The following SLCO2B1 variants were observed in gnomAD, a reference collection of about 807,000 sequenced individuals.
SLCO2B1 encodes the protein solute carrier organic anion transporter family member 2B1.
Under a neutral mutation model 67.3 loss-of-function variants are expected in SLCO2B1, and 41 were observed. The observed-to-expected ratio is 0.61, with a 90% CI of 0.47 to 0.79. The LOEUF (loss-of-function observed/expected upper bound fraction) is 0.79, where lower values mean the gene tolerates loss of function less well. SLCO2B1 is among the 30% of genes least tolerant of loss of function. SLCO2B1 has a pLI of 0.00. For missense variants in SLCO2B1, 837 were observed against 920.1 expected (o/e 0.91, Z 1.17); for synonymous variants, 379 against 381.4 (o/e 0.99, Z 0.07).
At chr11:75,200,574 G>T (rs1945167794) in intron 11 of SLCO2B1, 187 bp downstream of exon 11, 1 of 536,896 alleles carries the variant, frequency 1.9e-6, no homozygotes, top group Admixed American at 3.6e-5. Flanking sequence ...CCATCTTGCA[G>T]ATAAGAAAAT....
chr11:75,159,841 G>C, intron 1 of SLCO2B1: 1 of 985,604 alleles, frequency 1.0e-6, no homozygotes, highest in Non-Finnish European at 1.2e-6. Context: ...TGGCAGAAAA[G>C]GCTGGGATTG....
intron 7 of SLCO2B1, among the ~76,000 whole-genome samples, chr11:75,174,084 G>A (rs1181421295): frequency 1.3e-5 from 2 of 152,200 alleles, no homozygotes; most frequent in Non-Finnish European, 2.9e-5. Context: ...TTACAGGAGT[G>A]AGCCACCGTG....
intron 11 of SLCO2B1, 129 bp downstream of exon 11, chr11:75,200,516 C>A (rs1945166816): frequency 3.4e-6 from 3 of 887,830 alleles, no homozygotes; most frequent in Non-Finnish European, 4.9e-6. Flanking sequence ...ACAATATGGC[C>A]TTAACTGTGT....
Position 75,161,702 on chromosome 11 carries a change from A to G in SLCO2B1, c.17-953A>G, listed in dbSNP as rs147137412. Reference sequence around the variant, plus strand: ...AATGGAGGCTTCCGGCAGGAAGTGGAGCCGCAGAAGGGGAGGAAGACCAAG... The same window carrying G: ...AATGGAGGCTTCCGGCAGGAAGTGGGGCCGCAGAAGGGGAGGAAGACCAAG... On this transcript the variant is annotated intron_variant, in intron 1 of 13. Transcript: ENST00000289575. Among the ~76,000 whole-genome samples the G allele has an allele frequency of 6.7e-3, 1,023 of 152,294 alleles. 11 individuals are homozygous for G. Among genetic ancestry groups the G allele is most frequent in the African/African-American group, 0.024 (988 of 41,544 alleles).
intron 7 of SLCO2B1, among the ~76,000 whole-genome samples, chr11:75,175,510 C>G (rs1238469494): frequency 6.6e-6 from 1 of 152,138 alleles, no homozygotes; most frequent in Non-Finnish European, 1.5e-5. Context: ...CAGGGGTCCC[C>G]TAAATACCCT....
At chr11:75,165,985 T>C (rs748706300) in intron 4 of SLCO2B1, 36 bp downstream of exon 4, 2 of 1,600,328 alleles carry the variant, frequency 1.2e-6, no homozygotes, top group Non-Finnish European at 1.7e-6. Flanking sequence ...AGTGGGACGT[T>C]AGCCTCTGCA....
At chr11:75,160,743 C>G (rs1680184336) in intron 1 of SLCO2B1, among the ~76,000 whole-genome samples, 1 of 152,220 alleles carries the variant, frequency 6.6e-6, no homozygotes, top group Admixed American at 6.5e-5. Flanking sequence ...ACACGCACTT[C>G]CATTTCCTCA....
chr11:75,154,995 C>A (rs1334203475), intron 1 of SLCO2B1, among the ~76,000 whole-genome samples: 1 of 152,162 alleles, frequency 6.6e-6, no homozygotes, highest in Non-Finnish European at 1.5e-5. Context: ...TCCCTCCAGG[C>A]CCTAGTTGCT....
chr11:75,154,844 G>A (rs1949729409), intron 1 of SLCO2B1, among the ~76,000 whole-genome samples: 2 of 152,236 alleles, frequency 1.3e-5, no homozygotes, highest in Non-Finnish European at 2.9e-5. Context: ...AGTGAGATGG[G>A]ATAACATGGA....
intron 7 of SLCO2B1, among the ~76,000 whole-genome samples, chr11:75,176,254 G>A (rs977806265): frequency 3.9e-5 from 6 of 152,114 alleles, no homozygotes; most frequent in African/African-American, 9.7e-5. Flanking sequence ...TCCTGGGCCC[G>A]CCATGCCCTC....
In SLCO2B1 at chr11:75,203,370, T is replaced by C; in HGVS notation, c.1892T>C (p.Leu631Pro). 2 of 1,614,044 alleles carry C rather than the reference T, an allele frequency of 1.2e-6. No individual in the cohort carries two copies. The highest frequency in any genetic ancestry group is 8.5e-7 in the Non-Finnish European group (1 of 1,179,904). Residue 631 changes from leucine (L) to proline (P), a missense_variant, in exon 13 of 14, where the codon CTG becomes CCG. Coordinates refer to ENST00000289575, the MANE Select transcript of SLCO2B1 (RefSeq NM_007256.5). ...AIDTTCVHWA[L>P]SCGRRAVCRY... ...GACACCACCTGTGTGCACTGGGCCC[T>C]GAGCTGTGGGCGTCGAGCTGTCTGT...
At chr11:75,173,126 G>A (rs757253893) in intron 7 of SLCO2B1, among the ~76,000 whole-genome samples, 5 of 152,106 alleles carry the variant, frequency 3.3e-5, no homozygotes, top group Admixed American at 1.3e-4. Flanking sequence ...ATGAGAACCC[G>A]CACCTTTCTG....
chr11:75,196,419 TG>T, intron 9 of SLCO2B1, 94 bp from the exon 10 acceptor site: 1 of 1,254,240 alleles, frequency 8.0e-7, no homozygotes, highest in Non-Finnish European at 1.1e-6. Flanking sequence ...CTGAAATCTC[TG>T]GCCATTGCTC....
intron 4 of SLCO2B1, among the ~76,000 whole-genome samples, chr11:75,166,755 T>C (rs1466927181): frequency 6.6e-6 from 1 of 152,030 alleles, no homozygotes; most frequent in African/African-American, 2.4e-5. Context: ...TCTAGGGAGC[T>C]CCCAGCCTGG....
rs564934044 is a variant in SLCO2B1, at chr11:75,188,529, C to G, written c.1075+291C>G. On this transcript the variant is annotated intron_variant, in intron 8 of 13. Transcript: ENST00000289575. ...TCACTTGAGGTCAGAAGTTTGAGAC[C>G]AGACTGGCCAACATGGTTAAACCCT... Among the ~76,000 whole-genome samples the G allele has an allele frequency of 7.2e-5, 11 of 152,278 alleles. No homozygotes were observed. In the South Asian group the frequency reaches 2.3e-3, roughly 32 times the overall value.
chr11:75,194,234 A>C (rs1168228443), intron 9 of SLCO2B1, among the ~76,000 whole-genome samples: 1 of 152,132 alleles, frequency 6.6e-6, no homozygotes, highest in Admixed American at 6.5e-5. Context: ...TATCTCTCCA[A>C]TTCTCCCTCA....
chr11:75,174,366 T>A (rs931478759), intron 7 of SLCO2B1, among the ~76,000 whole-genome samples: 1 of 142,648 alleles, frequency 7.0e-6, no homozygotes, highest in African/African-American at 2.6e-5. Flanking sequence ...CATTTGAATA[T>A]GTTTGGAGAG....
rs113576938 is a variant in SLCO2B1 at position 75,184,853 on chromosome 11, C to T, written c.973-3283C>T. 4.1e-3 allele frequency among the ~76,000 whole-genome samples: 625 copies of T among 152,226 alleles called. 4 individuals carry two copies. Among genetic ancestry groups the T allele is most frequent in the African/African-American group, 0.013 (540 of 41,520 alleles). On this transcript the variant is annotated intron_variant, in intron 7 of 13. Coordinates refer to ENST00000289575, the MANE Select transcript of SLCO2B1 (RefSeq NM_007256.5). The stretch of plus-strand genomic sequence containing the variant: ...TTCCTCTCATCCTCAGAGCCTCCCC[C>T]CTCTACTCACACCCACCACAACACC...
chr11:75,198,934 G>A (rs1288815925), intron 10 of SLCO2B1, among the ~76,000 whole-genome samples: 3 of 152,186 alleles, frequency 2.0e-5, no homozygotes, highest in African/African-American at 4.8e-5. Context: ...TTCCTGCCAT[G>A]GAATTAGATG....
Sources: gnomAD v4.1 joint callset for allele counts (sites outside exome capture counted in the v4.1 genomes callset) on GRCh38, gnomAD v4.1.1 for gene constraint, MANE v1.5 for transcripts, NCBI Gene and HGNC (gene_info 2026-07-23, HGNC 2026-07-21) for gene names.